NT5DC3: variants seen among roughly 807,000 people sequenced by gnomAD.
NT5DC3 encodes the protein 5'-nucleotidase domain-containing protein 3.
Under a neutral mutation model 67.8 loss-of-function variants are expected in NT5DC3, and 42 were observed. That is an observed-to-expected ratio of 0.62 (90% CI 0.48 to 0.80). The LOEUF is 0.80. Among genes scored for constraint, NT5DC3 ranks in the 30% least tolerant of loss-of-function variants. The pLI, the probability that NT5DC3 is intolerant of heterozygous loss-of-function variation, is 0.00. For synonymous variants in NT5DC3, 237 were observed against 255.6 expected (o/e 0.93, Z 0.69); for missense variants, 570 against 696.4 (o/e 0.82, Z 2.04).
intron 13 of NT5DC3, 134 bp downstream of exon 13, chr12:103,780,166 G>C: frequency 1.3e-6 from 1 of 756,780 alleles, no homozygotes; most frequent in Non-Finnish European, 2.4e-6. Context: ...GATCCTGGGG[G>C]AGGCAGACAT....
rs1460122380 is a variant in NT5DC3, at chr12:103,834,332, TA to T, written c.208+6616del. ...ATTCACACATCCAAAAATCCCAAGT[TA>T]AAAAAGGAAAAAGGAAAACATTCCA... is the stretch of plus-strand genomic sequence containing the variant. On this transcript the variant is annotated intron_variant, in intron 1 of 13. Transcript: ENST00000392876. Among the ~76,000 whole-genome samples, 23 of 152,114 alleles carry T rather than the reference TA, an allele frequency of 1.5e-4. No individual in the cohort carries two copies. In the East Asian group the frequency reaches 4.4e-3, roughly 29 times the overall value.
At chr12:103,790,539 G>A (rs117907031) in intron 9 of NT5DC3, among the ~76,000 whole-genome samples, 1 of 151,884 alleles carries the variant, frequency 6.6e-6, no homozygotes, top group Non-Finnish European at 1.5e-5. Context: ...GGGACTACAG[G>A]TGTGACCAAC....
intron 1 of NT5DC3, among the ~76,000 whole-genome samples, chr12:103,831,113 T>C (rs1887905997): frequency 6.6e-6 from 1 of 152,200 alleles, no homozygotes; most frequent in Admixed American, 6.5e-5. Context: ...AATCTCTCCT[T>C]GAATTGTAAT....
At chr12:103,780,260 AG>A (rs1396695580) in intron 13 of NT5DC3, 39 bp downstream of exon 13, 1 of 1,548,194 alleles carries the variant, frequency 6.5e-7, no homozygotes, top group African/African-American at 1.4e-5. Context: ...CAGCCAGAAC[AG>A]GGTGGTGGAC....
At chr12:103,759,757 A>C in the NT5DC3 span, among the ~76,000 whole-genome samples, 1 of 152,056 alleles carries the variant, frequency 6.6e-6, no homozygotes, top group Non-Finnish European at 1.5e-5. Context: ...GGGAGGGAAA[A>C]CTTATTCTAC....
chr12:103,767,771 G>GTGTT (rs1285430763), downstream of NT5DC3, among the ~76,000 whole-genome samples: 2 of 151,778 alleles, frequency 1.3e-5, no homozygotes, highest in East Asian at 1.9e-4. Flanking sequence ...TATTAGCCAG[G>GTGTT]TGTTAGGCAC....
At chr12:103,833,504 A>C (rs1173875796) in intron 1 of NT5DC3, among the ~76,000 whole-genome samples, 1 of 152,192 alleles carries the variant, frequency 6.6e-6, no homozygotes, top group African/African-American at 2.4e-5. Context: ...CGCTAAGCTT[A>C]CATCATCATG....
chr12:103,779,812 C>A (rs1411543901), intron 13 of NT5DC3, among the ~76,000 whole-genome samples: 2 of 152,328 alleles, frequency 1.3e-5, no homozygotes, highest in Middle Eastern at 3.4e-3. Flanking sequence ...TTTCTTATGG[C>A]AGGCAGGCTT....
chr12:103,751,967 G>A, the NT5DC3 span, among the ~76,000 whole-genome samples: 1 of 152,100 alleles, frequency 6.6e-6, no homozygotes, highest in Non-Finnish European at 1.5e-5. Context: ...CCCACATTCA[G>A]GAGGAAGCGC....
At chr12:103,768,748 A>C (rs904719138), downstream of NT5DC3, 8 of 149,408 alleles carry the variant, frequency 5.4e-5, no homozygotes, top group African/African-American at 1.7e-4. Context: ...TAGTTAAGGG[A>C]AAAACTTCAA....
Position 103,841,211 on chromosome 12 carries a change from C to A in NT5DC3, c.-55G>T. 2 of 551,592 alleles carry A rather than the reference C, an allele frequency of 3.6e-6. No homozygotes were observed. The highest frequency in any genetic ancestry group is 3.2e-6 in the Non-Finnish European group (1 of 316,594). 34.2% of individuals were successfully genotyped at this position (551,592 alleles called of 1,614,324 possible). A position where few individuals can be genotyped will look rare whatever the true frequency, so the allele number is the denominator to read the frequency against. On this transcript the variant is annotated 5_prime_UTR_variant, in exon 1 of 14. Coordinates refer to ENST00000392876, the MANE Select transcript of NT5DC3 (RefSeq NM_001031701.3). ...GCGCCGCTCTGCGACTGCTGCTGCC[C>A]GGCCCAAGATCTACCCGCGCTCTGC...
rs150235095 is a variant in NT5DC3, at chr12:103,809,382, A to G, written c.394-2453T>C. ...ACATTCCGCTTGCCTCTCACTCTCA[A>G]TGTTATTCTTGGGGAGCCACTCCTG... On this transcript the variant is annotated intron_variant, in intron 2 of 13. Transcript: ENST00000392876. 4.0e-3 allele frequency among the ~76,000 whole-genome samples: 613 copies of G among 152,326 alleles called. 5 individuals carry two copies. The highest frequency in any genetic ancestry group is 0.014 in the African/African-American group (576 of 41,572).
intron 1 of NT5DC3, among the ~76,000 whole-genome samples, chr12:103,840,599 T>G (rs996210563): frequency 2.0e-5 from 3 of 151,958 alleles, no homozygotes; most frequent in African/African-American, 7.3e-5. Flanking sequence ...CACCTAACGG[T>G]GCGTGGGAGT....
chr12:103,840,951 T>A lies in NT5DC3; in HGVS notation c.206A>T (p.Glu69Val). Residue 69 changes from glutamate to valine, a missense_variant and splice_region_variant, in exon 1 of 14, where the codon GAA becomes GTA. Coordinates refer to ENST00000392876, the MANE Select transcript of NT5DC3 (RefSeq NM_001031701.3). ...GGCGGGGTCGCCGCCTCACTCACCT[T>A]CTGTGCTTCTCTTCGCCTCCCGGTA... ...ERYREAKRST[E>V]ELVPSIMSNL... The A allele has an allele frequency of 7.4e-7, 1 of 1,354,208 alleles. No homozygotes were observed. The highest frequency in any genetic ancestry group is 9.6e-7 in the Non-Finnish European group (1 of 1,046,948). 83.9% of individuals were successfully genotyped at this position (1,354,208 alleles called of 1,614,324 possible). A position where few individuals can be genotyped will look rare whatever the true frequency, so the allele number is the denominator to read the frequency against.
intron 1 of NT5DC3, 134 bp from the exon 2 acceptor site, chr12:103,815,255 C>T: frequency 1.7e-6 from 1 of 583,812 alleles, no homozygotes; most frequent in Non-Finnish European, 2.9e-6. Flanking sequence ...GTGAAGGAAG[C>T]CAGCCACAAA....
At chr12:103,755,177 A>G in the NT5DC3 span, 1 of 1,312,930 alleles carries the variant, frequency 7.6e-7, no homozygotes, top group Non-Finnish European at 1.1e-6. Flanking sequence ...CCAGGCACAG[A>G]GGTGCAATAG....
At chr12:103,755,483 A>G in the NT5DC3 span, 10 of 1,612,716 alleles carry the variant, frequency 6.2e-6, no homozygotes, top group Non-Finnish European at 8.5e-6. Flanking sequence ...CGCCCCAGCT[A>G]CACTTCAGGT....
intron 1 of NT5DC3, among the ~76,000 whole-genome samples, chr12:103,815,830 T>C (rs1887227652): frequency 6.6e-6 from 1 of 152,214 alleles, no homozygotes; most frequent in Non-Finnish European, 1.5e-5. Context: ...GAACATTTGC[T>C]ACCGAAAAGA....
intron 12 of NT5DC3, among the ~76,000 whole-genome samples, chr12:103,781,161 G>A (rs76535128): frequency 0.048 from 7,339 of 152,244 alleles, 281 homozygotes; most frequent in Admixed American, 0.12. Context: ...GAAACACTGA[G>A]GCCAGAATCC....
Sources: allele counts gnomAD v4.1 joint callset (sites outside exome capture counted in the v4.1 genomes callset), GRCh38; gene constraint gnomAD v4.1.1; transcripts MANE v1.5; gene names NCBI Gene and HGNC (gene_info 2026-07-23, HGNC 2026-07-21).